Variants in CSMD1 observed in about 807,000 individuals in gnomAD.
The protein encoded by CSMD1 is CUB and sushi domain-containing protein 1.
In CSMD1, 213 loss-of-function variants were observed where a neutral mutation model predicts 417.5. That is an observed-to-expected ratio of 0.51 (90% confidence interval 0.46 to 0.57). CSMD1 has a LOEUF of 0.57. Ranked by LOEUF, CSMD1 falls within the 20% of genes least tolerant of loss-of-function variation. CSMD1 has a pLI of 0.00. For synonymous variants in CSMD1, 2,862 were observed against 1,736.8 expected, an observed-to-expected ratio of 1.65 and a Z score of -16.11; for missense variants, 6,923 against 4,529.7, an observed-to-expected ratio of 1.53 and a Z score of -15.17.
chr8:3,958,179 T>C (rs55694043), intron 5 of CSMD1, among the ~76,000 whole-genome samples: 2,284 of 152,320 alleles, frequency 0.015, 50 homozygotes, highest in African/African-American at 0.051. Context: ...ATGAAATTAT[T>C]ATTTTGGAGA....
At chr8:3,617,982 C>G (rs1363794077) in intron 7 of CSMD1, among the ~76,000 whole-genome samples, 1 of 152,062 alleles carries the variant, frequency 6.6e-6, no homozygotes, top group African/African-American at 2.4e-5. Context: ...ATAAAAACAA[C>G]AGTAATCATA....
intron 49 of CSMD1, among the ~76,000 whole-genome samples, chr8:3,071,805 G>A (rs943867931): frequency 6.6e-5 from 10 of 152,068 alleles, no homozygotes; most frequent in East Asian, 1.9e-4. Flanking sequence ...TTGCAAATAC[G>A]TCATTTCATA....
rs898653956 is a variant in CSMD1 at position 3,076,183 on chromosome 8, C to T, written c.7474+10914G>A. Among the ~76,000 whole-genome samples the T allele has an allele frequency of 6.6e-5, 10 of 152,312 alleles. No individual in the cohort carries two copies. The East Asian group carries it at 1.2e-3, about 18-fold the overall frequency. On this transcript the variant is annotated intron_variant, in intron 49 of 69. Coordinates refer to ENST00000635120, the MANE Select transcript of CSMD1 (RefSeq NM_033225.6). ...ATGGATTTTCTCACAGTCCTGGAGG[C>T]CGGAAGTCCCACCGCAGGTGTCGGC... is the stretch of plus-strand genomic sequence containing the variant.
At chr8:4,001,594 A>G (rs893628969) in intron 4 of CSMD1, among the ~76,000 whole-genome samples, 1 of 152,198 alleles carries the variant, frequency 6.6e-6, no homozygotes, top group African/African-American at 2.4e-5. Flanking sequence ...TGAGCTGGAT[A>G]AACTGCAATG....
intron 5 of CSMD1, among the ~76,000 whole-genome samples, chr8:3,809,798 G>A (rs986838265): frequency 6.6e-6 from 1 of 152,068 alleles, no homozygotes; most frequent in African/African-American, 2.4e-5. Context: ...ATGTCATTAG[G>A]AGAAAATGCA....
chr8:3,245,901 C>G (rs968355553), intron 26 of CSMD1, among the ~76,000 whole-genome samples: 2 of 152,182 alleles, frequency 1.3e-5, no homozygotes, highest in Non-Finnish European at 2.9e-5. Flanking sequence ...TTGCCAGTGA[C>G]ATGAATCGCA....
chr8:3,554,103 T>C (rs1799037005), intron 10 of CSMD1, among the ~76,000 whole-genome samples: 1 of 152,242 alleles, frequency 6.6e-6, no homozygotes, highest in African/African-American at 2.4e-5. Context: ...TTCATGACTG[T>C]ATTTAATGCA....
chr8:4,639,962 G>C (rs1563359708), intron 1 of CSMD1, among the ~76,000 whole-genome samples: 1 of 152,154 alleles, frequency 6.6e-6, no homozygotes, highest in African/African-American at 2.4e-5. Flanking sequence ...AAAGAAAATA[G>C]CTTGTCTGCT....
chr8:4,125,567 A>G (rs1180941309), intron 3 of CSMD1, among the ~76,000 whole-genome samples: 1 of 152,216 alleles, frequency 6.6e-6, no homozygotes, highest in Non-Finnish European at 1.5e-5. Context: ...TAAACATTCT[A>G]AATTAACTGA....
At chr8:4,102,709 T>C (rs749452497) in intron 3 of CSMD1, among the ~76,000 whole-genome samples, 10 of 152,224 alleles carry the variant, frequency 6.6e-5, no homozygotes, top group Non-Finnish European at 1.2e-4. Context: ...TCCTAAAATG[T>C]ATCCAAAAGA....
intron 1 of CSMD1, among the ~76,000 whole-genome samples, chr8:4,749,343 A>C (rs1355458010): frequency 6.6e-6 from 1 of 152,262 alleles, no homozygotes; most frequent in Non-Finnish European, 1.5e-5. Flanking sequence ...CATTAAACGT[A>C]AAAGCCATTT....
intron 45 of CSMD1, 24 bp from the exon 46 acceptor site, chr8:3,106,665 C>T: frequency 6.8e-7 from 1 of 1,480,398 alleles, no homozygotes; most frequent in Non-Finnish European, 9.4e-7. Flanking sequence ...TGCAACAAAC[C>T]AGGAAATTGT....
At chr8:3,452,470 T>G (rs1953154117) in intron 12 of CSMD1, among the ~76,000 whole-genome samples, 2 of 152,310 alleles carry the variant, frequency 1.3e-5, no homozygotes, top group South Asian at 4.1e-4. Context: ...AGATAGGTTT[T>G]ATTATTTTGA....
chr8:3,619,722 AACAAGGG>A (rs1278328996), intron 7 of CSMD1, among the ~76,000 whole-genome samples: 1 of 151,620 alleles, frequency 6.6e-6, no homozygotes, highest in Admixed American at 6.6e-5. Context: ...AGTCCTCATA[AACAAGGG>A]ATCCATAATA....
intron 2 of CSMD1, among the ~76,000 whole-genome samples, chr8:4,491,605 A>C (rs1801705757): frequency 6.6e-6 from 1 of 152,196 alleles, no homozygotes; most frequent in East Asian, 1.9e-4. Context: ...CTCATGAAAA[A>C]AGATACAAGG....
intron 3 of CSMD1, among the ~76,000 whole-genome samples, chr8:4,192,787 A>C (rs6981884): frequency 2.0e-5 from 3 of 152,178 alleles, no homozygotes; most frequent in African/African-American, 7.2e-5. Context: ...CATTTGTTTC[A>C]GGCTCAAACA....
intron 7 of CSMD1, among the ~76,000 whole-genome samples, chr8:3,630,923 G>C (rs1378500977): frequency 1.3e-5 from 2 of 152,212 alleles, no homozygotes; most frequent in Non-Finnish European, 2.9e-5. Context: ...ATCTCTTAGA[G>C]AAACATGGTA....
chr8:4,883,388 T>C (rs1445628158), intron 1 of CSMD1, among the ~76,000 whole-genome samples: 2 of 152,100 alleles, frequency 1.3e-5, no homozygotes, highest in Non-Finnish European at 2.9e-5. Flanking sequence ...GTTTCAGTGG[T>C]TTTCAGTATA....
chr8:4,448,195 G>C (rs1251736341), intron 2 of CSMD1, among the ~76,000 whole-genome samples: 2 of 152,108 alleles, frequency 1.3e-5, no homozygotes, highest in African/African-American at 2.4e-5. Context: ...ATTTTTAAAA[G>C]TTTTTTAACA....
Sources: allele counts gnomAD v4.1 joint callset (sites outside exome capture counted in the v4.1 genomes callset), GRCh38; gene constraint gnomAD v4.1.1; transcripts MANE v1.5; gene names NCBI Gene and HGNC (gene_info 2026-07-23, HGNC 2026-07-21).